Variants in CABP5 observed in about 807,000 individuals in gnomAD.
CABP5 encodes calcium-binding protein 5.
In CABP5, 17 loss-of-function variants were observed where a neutral mutation model predicts 21.9. The ratio of observed to expected loss-of-function variants is 0.78; its 90% CI spans 0.53 to 1.17. CABP5 has a LOEUF of 1.17. Among genes scored for constraint, CABP5 ranks in the 50% most tolerant of loss-of-function variants. The pLI, the probability that CABP5 is intolerant of heterozygous loss-of-function variation, is 0.00. For missense variants in CABP5, 229 were observed against 228.9 expected (o/e 1.00, Z 0.00); for synonymous variants, 85 against 79.4 (o/e 1.07, Z -0.37).
Position 48,034,296 on chromosome 19 carries a change from C to T in CABP5, c.415G>A (p.Gly139Arg). 6.2e-7 allele frequency: 1 copy of T among 1,609,520 alleles called. No homozygotes were observed. Among genetic ancestry groups the T allele is most frequent in the South Asian group, 1.1e-5 (1 of 90,414 alleles). Residue 139 changes from glycine to arginine, a missense_variant, in exon 5 of 6, where the codon GGG (glycine) becomes AGG (arginine). Physicochemically the swap from Gly to Arg is moderately radical, Grantham distance 125 (BLOSUM62 -2). Coordinates refer to ENST00000293255, the MANE Select transcript of CABP5 (RefSeq NM_019855.5). The stretch of plus-strand genomic sequence containing the variant: ...ATCTCCCGGGGGGTGAGCCGCTCCC[C>T]CAGGAGTCTCTGCATGGCCTGCTGT... ...ELQQAMQRLL[G>R]ERLTPREISE...
chr19:48,032,535 C>T (rs1438708254), intron 5 of CABP5, among the ~76,000 whole-genome samples: 1 of 151,792 alleles, frequency 6.6e-6, no homozygotes, highest in Non-Finnish European at 1.5e-5. Context: ...CACGGTGTTG[C>T]CCAGTCTGGT....
intron 4 of CABP5, among the ~76,000 whole-genome samples, chr19:48,038,780 T>C (rs1967442847): frequency 6.6e-6 from 1 of 151,932 alleles, no homozygotes; most frequent in South Asian, 2.1e-4. Flanking sequence ...TGAGCCGAGA[T>C]TGCACCATTG....
chr19:48,032,266 A>G (rs1240350667), intron 5 of CABP5, among the ~76,000 whole-genome samples: 1 of 151,976 alleles, frequency 6.6e-6, no homozygotes, highest in Non-Finnish European at 1.5e-5. Flanking sequence ...GCTACAGAAG[A>G]TACAGGCTGG....
rs376716686 is a variant in CABP5 at position 48,034,368 on chromosome 19, T to C, written c.349-6A>G. ...CCATCTCCATTCGTGTCAAACTGAA[T>C]AGAAGCAGAAATAGATTATATCAGC... On this transcript the variant is annotated splice_polypyrimidine_tract_variant and splice_region_variant and intron_variant, in intron 4 of 5. Transcript: ENST00000293255. The C allele has an allele frequency of 1.3e-6, 2 of 1,537,118 alleles. No homozygotes were observed. Among genetic ancestry groups the C allele is most frequent in the Admixed American group, 2.1e-5 (1 of 47,606 alleles).
intron 4 of CABP5, among the ~76,000 whole-genome samples, chr19:48,037,189 C>A (rs978934916): frequency 6.8e-6 from 1 of 147,746 alleles, no homozygotes; most frequent in Non-Finnish European, 1.5e-5. Context: ...ATGGAAGCAA[C>A]CTGTGTCCAT....
intron 1 of CABP5, among the ~76,000 whole-genome samples, chr19:48,043,233 C>G (rs934053720): frequency 6.6e-6 from 1 of 150,784 alleles, no homozygotes; most frequent in African/African-American, 2.4e-5. Context: ...GTCTCAAACT[C>G]CTGGACATAA....
rs1967468477 is a variant in CABP5, at chr19:48,040,643, A to G, written c.200T>C (p.Met67Thr). ...MRTMGYMPTE[M>T]ELIELGQQIR... ...TTGCTGGCCGAGCTCAATCAGTTCC[A>G]TCTCCGTGGGCATGTAACCCATCGT... The change falls in exon 3 of 6, where the codon ATG (methionine) becomes ACG (threonine). Residue 67 changes from methionine to threonine, a missense_variant. Coordinates refer to ENST00000293255, the MANE Select transcript of CABP5 (RefSeq NM_019855.5). 1 of 1,613,788 alleles carries G rather than the reference A, an allele frequency of 6.2e-7. No individual in the cohort carries two copies. Among genetic ancestry groups the G allele is most frequent in the Non-Finnish European group, 8.5e-7 (1 of 1,179,890 alleles).
At chr19:48,043,806 A>C in intron 1 of CABP5, 54 bp downstream of exon 1, 6 of 1,395,128 alleles carry the variant, frequency 4.3e-6, no homozygotes, top group Non-Finnish European at 5.7e-6. Context: ...TTTGTCCCAC[A>C]CCCCTGCTCC....
intron 5 of CABP5, among the ~76,000 whole-genome samples, chr19:48,033,036 C>T (rs1401351299): frequency 3.1e-5 from 4 of 130,468 alleles, no homozygotes; most frequent in South Asian, 4.8e-4. Flanking sequence ...TTTTTTTGGA[C>T]GGAGTGTTGC....
At chr19:48,035,203 A>G (rs755221646) in intron 4 of CABP5, among the ~76,000 whole-genome samples, 3 of 152,186 alleles carry the variant, frequency 2.0e-5, no homozygotes, top group Non-Finnish European at 2.9e-5. Context: ...TGCATGTAAC[A>G]TCATGTGGTA....
intron 1 of CABP5, among the ~76,000 whole-genome samples, chr19:48,043,478 A>G (rs1374564364): frequency 4.4e-5 from 1 of 22,766 alleles, no homozygotes; most frequent in East Asian, 1.1e-3. Flanking sequence ...GCACAGAACA[A>G]TGACTTAATA....
chr19:48,041,946 T>G (rs1412203481), intron 1 of CABP5, among the ~76,000 whole-genome samples: 5 of 152,092 alleles, frequency 3.3e-5, no homozygotes, highest in Non-Finnish European at 7.4e-5. Flanking sequence ...CACAGCTAAC[T>G]CATTCAGAGT....
At chr19:48,035,672 G>A (rs1422705142) in intron 4 of CABP5, among the ~76,000 whole-genome samples, 1 of 152,242 alleles carries the variant, frequency 6.6e-6, no homozygotes, top group Non-Finnish European at 1.5e-5. Context: ...GCTGTAGGCT[G>A]AGGAAGCTGC....
chr19:48,031,164 A>G (rs931267399), intron 5 of CABP5, among the ~76,000 whole-genome samples: 10 of 152,164 alleles, frequency 6.6e-5, no homozygotes, highest in Non-Finnish European at 5.9e-5. Context: ...AAAAATGGGA[A>G]TCCTAGTATT....
chr19:48,031,637 AC>A (rs1279389394), intron 5 of CABP5, among the ~76,000 whole-genome samples: 1 of 152,188 alleles, frequency 6.6e-6, no homozygotes, highest in Non-Finnish European at 1.5e-5. Context: ...AAGGAAACTT[AC>A]GCCAGCGAGG....
Position 48,034,270 on chromosome 19 carries a change from G to A in CABP5, c.441C>T (p.Ile147=). 3 of 1,607,890 alleles carry A rather than the reference G, an allele frequency of 1.9e-6. No homozygotes were observed. The highest frequency in any genetic ancestry group is 2.2e-5 in the South Asian group (2 of 90,230). Residue 147 remains isoleucine (I), a synonymous_variant, in exon 5 of 6, where the codon ATC becomes ATT. Transcript: ENST00000293255. ...CATCAGCCTCCCGGACAACCTCAGAGATCTCCCGGGGGGTGAGCCGCTCCC... is the reference window on the plus strand; with the variant it reads ...CATCAGCCTCCCGGACAACCTCAGAAATCTCCCGGGGGGTGAGCCGCTCCC... ...LLGERLTPRE[I]SEVVREADVN...
At chr19:48,032,166 G>C (rs1459298744) in intron 5 of CABP5, among the ~76,000 whole-genome samples, 5 of 152,050 alleles carry the variant, frequency 3.3e-5, no homozygotes, top group Non-Finnish European at 5.9e-5. Context: ...GATGTGGTAA[G>C]TGGACGGAGC....
chr19:48,043,413 G>A (rs1053520728), intron 1 of CABP5, among the ~76,000 whole-genome samples: 4 of 149,740 alleles, frequency 2.7e-5, no homozygotes, highest in Admixed American at 2.0e-4. Flanking sequence ...GACCTCATGA[G>A]TTGTTCTGAG....
In CABP5 at chr19:48,043,979, C is replaced by T; in HGVS notation, c.-57G>A. Reference sequence around the variant, plus strand: ...GTCTCAAGATGGCCCCTCCTCCCTGCTCCCTGTCGGAGCTCAGCCTCCTTA... The same window carrying T: ...GTCTCAAGATGGCCCCTCCTCCCTGTTCCCTGTCGGAGCTCAGCCTCCTTA... On this transcript the variant is annotated 5_prime_UTR_variant, in exon 1 of 6. Coordinates refer to ENST00000293255, the MANE Select transcript of CABP5 (RefSeq NM_019855.5). 1 of 1,447,336 alleles carries T rather than the reference C, an allele frequency of 6.9e-7. No homozygotes were observed. Among genetic ancestry groups the T allele is most frequent in the Non-Finnish European group, 9.2e-7 (1 of 1,083,378 alleles). The allele number at this position is 1,447,336 out of a possible 1,614,324, so 89.7% of individuals were successfully genotyped here. A position where few individuals can be genotyped will look rare whatever the true frequency, so the allele number is the denominator to read the frequency against.
Sources: gnomAD v4.1 joint callset for allele counts (sites outside exome capture counted in the v4.1 genomes callset) on GRCh38, gnomAD v4.1.1 for gene constraint, MANE v1.5 for transcripts, NCBI Gene and HGNC (gene_info 2026-07-23, HGNC 2026-07-21) for gene names.